The following THAP4 variants were observed in gnomAD, a reference collection of about 807,000 sequenced individuals.
The protein encoded by THAP4 is THAP domain containing 4, also known as peroxynitrite isomerase THAP4.
In THAP4, 18 loss-of-function variants were observed where a neutral mutation model predicts 48.1. The ratio of observed to expected loss-of-function variants is 0.37; its 90% CI spans 0.26 to 0.56. The LOEUF is 0.56. Among genes scored for constraint, THAP4 ranks in the 20% least tolerant of loss-of-function variants. THAP4 has a pLI of 0.78. For synonymous variants in THAP4, 345 were observed against 324.9 expected, an observed-to-expected ratio of 1.06 and a Z score of -0.66; for missense variants, 656 against 774.9, an observed-to-expected ratio of 0.85 and a Z score of 1.82.
chr2:241,598,483 C>T (rs1317010381), intron 5 of THAP4, among the ~76,000 whole-genome samples: 2 of 152,184 alleles, frequency 1.3e-5, no homozygotes, highest in Non-Finnish European at 2.9e-5. Context: ...AGTCCCCAAA[C>T]TTTTTGGCCC....
chr2:241,586,264 A>G (rs1210844533), intron 5 of THAP4, among the ~76,000 whole-genome samples: 13 of 72,946 alleles, frequency 1.8e-4, no homozygotes, highest in African/African-American at 5.7e-4. Context: ...CTGAAGAGGA[A>G]AAAAAAAAAA....
intron 2 of THAP4, among the ~76,000 whole-genome samples, chr2:241,608,443 G>A (rs377328159): frequency 1.3e-5 from 2 of 152,140 alleles, no homozygotes; most frequent in South Asian, 2.1e-4. Flanking sequence ...TCAGACTCCC[G>A]GTGAAAAGTG....
At chr2:241,608,410 T>A (rs2067217107) in intron 2 of THAP4, among the ~76,000 whole-genome samples, 4 of 152,232 alleles carry the variant, frequency 2.6e-5, no homozygotes, top group African/African-American at 7.2e-5. Context: ...GATTTAAAAA[T>A]TTTTTATATC....
intron 1 of THAP4, among the ~76,000 whole-genome samples, chr2:241,634,963 G>C (rs1326100031): frequency 6.6e-6 from 1 of 152,264 alleles, no homozygotes; most frequent in Non-Finnish European, 1.5e-5. Flanking sequence ...AGAGACAGGA[G>C]AATGCGGGTT....
intron 1 of THAP4, among the ~76,000 whole-genome samples, chr2:241,636,348 ACTCACAAGGC>A (rs1275084033): frequency 2.0e-5 from 3 of 152,210 alleles, no homozygotes; most frequent in South Asian, 2.1e-4. Flanking sequence ...AATAGGCTGA[ACTCACAAGGC>A]CTTAGAGGGG....
intron 1 of THAP4, among the ~76,000 whole-genome samples, chr2:241,635,669 C>G (rs749468251): frequency 6.6e-6 from 1 of 151,912 alleles, no homozygotes; most frequent in Non-Finnish European, 1.5e-5. Flanking sequence ...ACTTGGGAGG[C>G]TGAAGCAGGA....
intron 2 of THAP4, among the ~76,000 whole-genome samples, chr2:241,609,153 C>T (rs1024665414): frequency 2.0e-5 from 3 of 152,200 alleles, no homozygotes; most frequent in Non-Finnish European, 4.4e-5. Flanking sequence ...GTGGCCTGGG[C>T]CAGGTGGCCG....
In THAP4 at chr2:241,633,365, A is replaced by G; in HGVS notation, c.792T>C (p.Asp264=). 1 of 1,611,936 alleles carries G rather than the reference A, an allele frequency of 6.2e-7. No individual in the cohort carries two copies. Among genetic ancestry groups the G allele is most frequent in the Non-Finnish European group, 8.5e-7 (1 of 1,179,912 alleles). The part of the protein sequence containing the change: ...EPIDRKRLKK[D]VEPSCSGSSL... Reference sequence around the variant, plus strand: ...TGCTCCCACTGCAGCTTGGTTCCACATCTTTCTTCAGCCTCTTGCGGTCAA... The same window carrying G: ...TGCTCCCACTGCAGCTTGGTTCCACGTCTTTCTTCAGCCTCTTGCGGTCAA... Residue 264 remains aspartate (D), a synonymous_variant, in exon 2 of 6, where the codon GAT becomes GAC. Transcript: ENST00000407315. The surrounding 1 kb of genome is among the most constrained non-coding windows in gnomAD (Gnocchi z 7.5).
At chr2:241,596,860 G>A (rs1193521118) in intron 5 of THAP4, among the ~76,000 whole-genome samples, 2 of 150,082 alleles carry the variant, frequency 1.3e-5, no homozygotes, top group Non-Finnish European at 3.0e-5. Flanking sequence ...ACCATGAGTG[G>A]AGCTGGCGGG....
intron 2 of THAP4, among the ~76,000 whole-genome samples, chr2:241,625,216 T>A (rs565205716): frequency 6.6e-6 from 1 of 152,088 alleles, no homozygotes; most frequent in East Asian, 1.9e-4. Flanking sequence ...GGCTCACACC[T>A]GTAGTCCCAA....
Position 241,616,075 on chromosome 2 carries a change from G to C in THAP4, c.1241-9602C>G, listed in dbSNP as rs1029466578. Among the ~76,000 whole-genome samples the C allele has an allele frequency of 2.0e-5, 3 of 152,232 alleles. No homozygotes were observed. Among genetic ancestry groups the C allele is most frequent in the African/African-American group, 7.2e-5 (3 of 41,470 alleles). On this transcript the variant is annotated intron_variant, in intron 2 of 5. Transcript: ENST00000407315. The surrounding 1 kb of genome is among the most constrained non-coding windows in gnomAD (Gnocchi z 4.6). ...TCAGTCAGGGGGCTGGCAAGGACAGGTGAGCACAGCTGGCTCCTCAGAAGA... is the reference window on the plus strand; with the variant it reads ...TCAGTCAGGGGGCTGGCAAGGACAGCTGAGCACAGCTGGCTCCTCAGAAGA...
Position 241,633,132 on chromosome 2 carries a change from A to G in THAP4, c.1025T>C (p.Ile342Thr). 6.2e-7 allele frequency: 1 copy of G among 1,612,190 alleles called. No homozygotes were observed. ...ILSASGACKL[I>T]DSLHSYCFSS... The stretch of plus-strand genomic sequence containing the variant: ...GAAGCAGTAGGAGTGCAGTGAGTCG[A>G]TGAGCTTGCAGGCCCCTGACGCCGA... Residue 342 changes from isoleucine to threonine, a missense_variant, in exon 2 of 6, where the codon ATC (isoleucine) becomes ACC (threonine). Coordinates refer to ENST00000407315, the MANE Select transcript of THAP4 (RefSeq NM_015963.6). This position sits in a 1 kb window ranked among gnomAD's most constrained non-coding sequence, Gnocchi z 7.5.
At chr2:241,604,821 G>A (rs900234281) in intron 3 of THAP4, among the ~76,000 whole-genome samples, 3 of 152,134 alleles carry the variant, frequency 2.0e-5, no homozygotes, top group Admixed American at 1.3e-4. Context: ...GCCTCCCAAA[G>A]TGCTGGGATT....
rs1012905239 is a variant in THAP4, at chr2:241,616,594, G to C, written c.1241-10121C>G. On this transcript the variant is annotated intron_variant, in intron 2 of 5. Coordinates refer to ENST00000407315, the MANE Select transcript of THAP4 (RefSeq NM_015963.6). This position sits in a 1 kb window ranked among gnomAD's most constrained non-coding sequence, Gnocchi z 4.6. ...AGGCGGCTGCTGCTTCAGGGGCACA[G>C]GGCCCACACCACACTTGGGGACAGG... Among the ~76,000 whole-genome samples the C allele has an allele frequency of 1.3e-5, 2 of 152,204 alleles. No individual in the cohort carries two copies. Among genetic ancestry groups the C allele is most frequent in the Non-Finnish European group, 2.9e-5 (2 of 68,042 alleles).
At chr2:241,630,671 C>T (rs957508301) in intron 2 of THAP4, among the ~76,000 whole-genome samples, 2 of 151,370 alleles carry the variant, frequency 1.3e-5, no homozygotes, top group Admixed American at 6.6e-5. Flanking sequence ...CCCAGCTACT[C>T]GGGAGGCTGA....
intron 5 of THAP4, among the ~76,000 whole-genome samples, chr2:241,590,105 T>C (rs1210744850): frequency 2.0e-5 from 3 of 150,234 alleles, no homozygotes; most frequent in African/African-American, 7.4e-5. Flanking sequence ...GCTGCTCGGC[T>C]GACGATGATG....
intron 1 of THAP4, 136 bp downstream of exon 1, chr2:241,636,805 G>A (rs1370758769): frequency 5.9e-6 from 2 of 337,980 alleles, no homozygotes; most frequent in Non-Finnish European, 8.3e-6. Flanking sequence ...GTCACACAGC[G>A]CCCACGCCCG....
In THAP4 at chr2:241,601,900, T is replaced by C; in HGVS notation, c.1610A>G (p.Glu537Gly). Reference protein sequence around the residue: ...RISFAKEPHVEQITRKFRLNS... With the variant: ...RISFAKEPHVGQITRKFRLNS... ...TGGGAGCAGGGCTGGGCTCACCTGC[T>C]CTACGTGGGGCTCCTTGGCGAAGGA... The change falls in exon 5 of 6, where the codon GAG (glutamate) becomes GGG (glycine). Residue 537 changes from glutamate (E) to glycine (G), a missense_variant. This residue lies in a region of THAP4 where 176 missense variants were observed against 256.7 expected (regional missense o/e 0.69). Transcript: ENST00000407315. This position sits in a 1 kb window ranked among gnomAD's most constrained non-coding sequence, Gnocchi z 4.0. The C allele has an allele frequency of 6.2e-7, 1 of 1,614,008 alleles. No homozygotes were observed. The highest frequency in any genetic ancestry group is 1.7e-4 in the Middle Eastern group (1 of 6,024).
chr2:241,627,991 C>T (rs2067514389), intron 2 of THAP4, among the ~76,000 whole-genome samples: 1 of 152,146 alleles, frequency 6.6e-6, no homozygotes, highest in African/African-American at 2.4e-5. Flanking sequence ...CACTCCACTT[C>T]ACGGCCAAAC....
Sources: gnomAD v4.1 joint callset for allele counts (sites outside exome capture counted in the v4.1 genomes callset) on GRCh38, gnomAD v4.1.1 for gene constraint, gnomAD v4.1.1 regional missense constraint, Gnocchi (gnomAD v3.1) non-coding constraint, MANE v1.5 for transcripts, NCBI Gene and HGNC (gene_info 2026-07-23, HGNC 2026-07-21) for gene names.